Variants in MCTP2 observed in about 807,000 individuals in gnomAD.
The protein encoded by MCTP2 is multiple C2 and transmembrane domain containing 2.
MCTP2 carries 132 observed loss-of-function variants against 111.6 expected under a neutral mutation model. That is an observed-to-expected ratio of 1.18 (90% CI 1.03 to 1.37). The LOEUF (loss-of-function observed/expected upper bound fraction) is 1.37. MCTP2 is among the 40% of genes most tolerant of loss of function. The pLI, the probability that MCTP2 is intolerant of heterozygous loss-of-function variation, is 0.00. For synonymous variants in MCTP2, 395 were observed against 387.7 expected, an observed-to-expected ratio of 1.02 and a Z score of -0.22; for missense variants, 1,183 against 1,067.9, an observed-to-expected ratio of 1.11 and a Z score of -1.50.
At chr15:94,371,284 G>T (rs558787090) in intron 12 of MCTP2, among the ~76,000 whole-genome samples, 1 of 152,142 alleles carries the variant, frequency 6.6e-6, no homozygotes, top group East Asian at 1.9e-4. Context: ...TCAGATGATT[G>T]CTCTTAATAT....
intron 1 of MCTP2, among the ~76,000 whole-genome samples, chr15:94,245,990 T>G (rs1223882205): frequency 6.6e-6 from 1 of 151,994 alleles, no homozygotes; most frequent in Non-Finnish European, 1.5e-5. Context: ...GCAGAGAGGA[T>G]TTTAAAGGCA....
At chr15:94,361,985 G>T (rs1049324129) in intron 10 of MCTP2, among the ~76,000 whole-genome samples, 1 of 152,134 alleles carries the variant, frequency 6.6e-6, no homozygotes, top group Non-Finnish European at 1.5e-5. Flanking sequence ...TGTGGAACTT[G>T]CTGACTTCCC....
chr15:94,324,733 T>G (rs7170581), intron 4 of MCTP2, among the ~76,000 whole-genome samples: 70,312 of 152,040 alleles, frequency 0.46, 18,021 homozygotes, highest in East Asian at 0.62. Flanking sequence ...CTCTCGATAC[T>G]GTGAGAATTA....
chr15:94,399,837 C>T (rs2081470419), intron 15 of MCTP2, 84 bp from the exon 16 acceptor site: 1 of 1,189,652 alleles, frequency 8.4e-7, no homozygotes, highest in African/African-American at 1.5e-5. Flanking sequence ...TATTGGTCTG[C>T]ACGATTTTCC....
chr15:94,460,942 A>T (rs1178948548), intron 20 of MCTP2, among the ~76,000 whole-genome samples: 3 of 151,702 alleles, frequency 2.0e-5, no homozygotes, highest in Non-Finnish European at 2.9e-5. Flanking sequence ...AACCAGGAAA[A>T]CTTTTATTCA....
chr15:94,481,127 T>A lies in MCTP2; in HGVS notation c.*2093T>A, dbSNP rs1314946401. ...AAATTTATCGATTGTGGATTCACAG[T>A]GTGATAATTAAGTAGGGATGTTGAA... is the stretch of plus-strand genomic sequence containing the variant. On this transcript the variant is annotated 3_prime_UTR_variant, in exon 23 of 23. Coordinates refer to ENST00000357742, the MANE Select transcript of MCTP2 (RefSeq NM_001385001.1). 6.6e-6 allele frequency: 1 copy of A among 152,188 alleles called. No homozygotes were observed. Among genetic ancestry groups the A allele is most frequent in the Admixed American group, 6.5e-5 (1 of 15,274 alleles). 9.4% of individuals were successfully genotyped at this position (152,188 alleles called of 1,614,324 possible).
chr15:94,418,422 C>T (rs930700883), intron 17 of MCTP2, among the ~76,000 whole-genome samples: 1 of 152,046 alleles, frequency 6.6e-6, no homozygotes, highest in Non-Finnish European at 1.5e-5. Context: ...AGAGAATTTG[C>T]TGATGGCTTT....
intron 17 of MCTP2, among the ~76,000 whole-genome samples, chr15:94,435,961 T>A (rs999276082): frequency 1.3e-5 from 2 of 152,150 alleles, no homozygotes; most frequent in African/African-American, 4.8e-5. Flanking sequence ...AAGTTTTTTT[T>A]AAGGCATTTA....
chr15:94,460,259 T>C (rs569917926), intron 20 of MCTP2, among the ~76,000 whole-genome samples: 46 of 152,230 alleles, frequency 3.0e-4, no homozygotes, highest in African/African-American at 1.1e-3. Context: ...TATCAGCATC[T>C]CTGAGAATAG....
chr15:94,280,495 CT>C (rs968974939), intron 1 of MCTP2, among the ~76,000 whole-genome samples: 32 of 143,128 alleles, frequency 2.2e-4, no homozygotes, highest in African/African-American at 6.4e-4. Flanking sequence ...TGGATCTTCT[CT>C]TTTTTTTTTC....
chr15:94,244,178 G>T (rs28972660), intron 1 of MCTP2, among the ~76,000 whole-genome samples: 2 of 137,168 alleles, frequency 1.5e-5, no homozygotes, highest in Non-Finnish European at 3.1e-5. Flanking sequence ...ATACACATAC[G>T]TATGTGTATA....
At chr15:94,357,754 G>C (rs1454708144) in intron 9 of MCTP2, among the ~76,000 whole-genome samples, 1 of 152,026 alleles carries the variant, frequency 6.6e-6, no homozygotes, top group African/African-American at 2.4e-5. Flanking sequence ...TAATACTCTG[G>C]GACCAACATT....
intron 1 of MCTP2, among the ~76,000 whole-genome samples, chr15:94,272,475 T>C (rs1050624463): frequency 1.3e-5 from 2 of 152,156 alleles, no homozygotes; most frequent in African/African-American, 2.4e-5. Context: ...TTTTTAGTTA[T>C]CTAATCTGTT....
rs531525053 is a variant in MCTP2 at position 94,251,547 on chromosome 15, C to CG, written c.-66+19887dup. 2.5e-3 allele frequency among the ~76,000 whole-genome samples: 385 copies of CG among 151,930 alleles called. 2 individuals are homozygous for CG. Among genetic ancestry groups the CG allele is most frequent in the African/African-American group, 9.0e-3 (372 of 41,328 alleles). On this transcript the variant is annotated intron_variant, in intron 1 of 22. Coordinates refer to ENST00000357742, the MANE Select transcript of MCTP2 (RefSeq NM_001385001.1). The stretch of plus-strand genomic sequence containing the variant: ...CTAATTTTTGTATTTTTAGTAGAGA[C>CG]GGGGTTTCTCCATGTCAGTCAGGCT...
chr15:94,418,282 C>T (rs2082465789), intron 17 of MCTP2, among the ~76,000 whole-genome samples: 1 of 152,112 alleles, frequency 6.6e-6, no homozygotes, highest in South Asian at 2.1e-4. Context: ...CCAAAAATTA[C>T]GCTTCTGAAA....
intron 2 of MCTP2, among the ~76,000 whole-genome samples, chr15:94,303,728 C>A (rs1455616763): frequency 1.3e-5 from 2 of 152,140 alleles, no homozygotes; most frequent in African/African-American, 4.8e-5. Context: ...GGACACGGAG[C>A]AAACTTACTT....
At chr15:94,327,176 A>G (rs1017954631) in intron 4 of MCTP2, among the ~76,000 whole-genome samples, 4 of 152,134 alleles carry the variant, frequency 2.6e-5, no homozygotes, top group Non-Finnish European at 5.9e-5. Flanking sequence ...TGAGAGACAC[A>G]CACATTCACC....
At chr15:94,358,983 A>T (rs910940763) in intron 10 of MCTP2, among the ~76,000 whole-genome samples, 5 of 152,202 alleles carry the variant, frequency 3.3e-5, no homozygotes, top group African/African-American at 1.2e-4. Context: ...TGTTCCCATG[A>T]TGGAAGCATT....
chr15:94,369,859 T>A (rs2079393097), intron 11 of MCTP2, among the ~76,000 whole-genome samples: 1 of 152,188 alleles, frequency 6.6e-6, no homozygotes, highest in Non-Finnish European at 1.5e-5. Flanking sequence ...TGCTTCTAAT[T>A]GGTTTATTTT....
Sources: allele counts gnomAD v4.1 joint callset (sites outside exome capture counted in the v4.1 genomes callset), GRCh38; gene constraint gnomAD v4.1.1; transcripts MANE v1.5; gene names NCBI Gene and HGNC (gene_info 2026-07-23, HGNC 2026-07-21).